The following SRPX variants were observed in gnomAD, a reference collection of about 807,000 sequenced individuals.
SRPX encodes the protein sushi repeat-containing protein SRPX.
A neutral mutation model predicts 38.1 loss-of-function variants in SRPX; 24 were observed. That is an observed-to-expected ratio of 0.63 (90% CI 0.46 to 0.89). The LOEUF is 0.89. Among genes scored for constraint, SRPX ranks in the 40% least tolerant of loss-of-function variants. SRPX has a pLI of 0.00. For missense variants in SRPX, 416 were observed against 377.8 expected, an observed-to-expected ratio of 1.10 and a Z score of -0.84; for synonymous variants, 184 against 153.8, an observed-to-expected ratio of 1.20 and a Z score of -1.45.
chrX:38,171,156 T>G (rs1370326684), intron 4 of SRPX, among the ~76,000 whole-genome samples: 1 of 111,778 alleles, frequency 8.9e-6, no homozygotes, highest in Non-Finnish European at 1.9e-5. Context: ...CTGCTGAATT[T>G]AAATCTGCAT....
chrX:38,200,787 T>C (rs1459386280), intron 1 of SRPX, among the ~76,000 whole-genome samples: 1 of 112,128 alleles, frequency 8.9e-6, no homozygotes, highest in Non-Finnish European at 1.9e-5. Flanking sequence ...CTGTTAATAC[T>C]GTTACTACAG....
At position 38,164,886 on chromosome X, in the gene SRPX, G is replaced by C; in HGVS notation, c.536C>G (p.Pro179Arg). ...CACACTTGGGCACTTGATTCTAGGAGGTTCCATATCTGAAAATATAACCAA... is the reference window on the plus strand; with the variant it reads ...CACACTTGGGCACTTGATTCTAGGACGTTCCATATCTGAAAATATAACCAA... ...GRPASCVDME[P>R]PRIKCPSVKE... Residue 179 changes from proline (P) to arginine (R), a missense_variant, in exon 5 of 10, where the codon CCT (proline) becomes CGT (arginine). Pro to Arg is a moderately radical substitution (Grantham distance 103). Transcript: ENST00000378533. 4 of 1,208,489 alleles carry C rather than the reference G, an allele frequency of 3.3e-6. No homozygotes were observed. The highest frequency in any genetic ancestry group is 1.8e-5 in the South Asian group (1 of 56,059).
chrX:38,154,905 G>A (rs1164477950), intron 8 of SRPX, among the ~76,000 whole-genome samples: 1 of 111,103 alleles, frequency 9.0e-6, no homozygotes, highest in Non-Finnish European at 1.9e-5. Context: ...CACCCCAGAG[G>A]ATTCTAATTT....
At chrX:38,174,047 G>T in intron 3 of SRPX, 113 bp downstream of exon 3, 1 of 601,265 alleles carries the variant, frequency 1.7e-6, no homozygotes, top group Non-Finnish European at 2.3e-6. Flanking sequence ...GTGTCCCCCT[G>T]ATCATAAGGA....
intron 5 of SRPX, among the ~76,000 whole-genome samples, chrX:38,163,713 A>G (rs1938307486): frequency 8.9e-6 from 1 of 112,747 alleles, no homozygotes. Context: ...GTCCAGGAGA[A>G]TGGGGTAGAG....
At chrX:38,181,003 C>T (rs944923672) in intron 1 of SRPX, among the ~76,000 whole-genome samples, 1 of 112,487 alleles carries the variant, frequency 8.9e-6, no homozygotes, top group Non-Finnish European at 1.9e-5. Flanking sequence ...ACTATATATA[C>T]GACTCCTTTT....
intron 1 of SRPX, among the ~76,000 whole-genome samples, chrX:38,220,174 G>T (rs1415706978): frequency 8.8e-6 from 1 of 113,481 alleles, no homozygotes; most frequent in Non-Finnish European, 1.9e-5. Flanking sequence ...AGCAGGGGGG[G>T]TTAAGAGATT....
chrX:38,214,910 C>T (rs1447972646), intron 1 of SRPX, among the ~76,000 whole-genome samples: 3 of 111,742 alleles, frequency 2.7e-5, no homozygotes, highest in South Asian at 7.5e-4. Context: ...AAGCGGCAGG[C>T]GAGCGTCATC....
At chrX:38,156,395 G>A (rs1387922572) in intron 8 of SRPX, among the ~76,000 whole-genome samples, 2 of 111,474 alleles carry the variant, frequency 1.8e-5, no homozygotes, top group Non-Finnish European at 3.8e-5. Context: ...TTCTGACACA[G>A]TAGGTCTGGG....
chrX:38,197,207 C>T (rs1242222095), intron 1 of SRPX, among the ~76,000 whole-genome samples: 3 of 112,379 alleles, frequency 2.7e-5, no homozygotes, highest in African/African-American at 9.7e-5. Flanking sequence ...ATTTCTCTCC[C>T]TACACTAAGC....
intron 1 of SRPX, among the ~76,000 whole-genome samples, chrX:38,219,671 G>T (rs1162854231): frequency 8.9e-6 from 1 of 111,921 alleles, no homozygotes; most frequent in East Asian, 2.8e-4. Context: ...AGAAAGATGG[G>T]CATCCTCTAT....
In SRPX at chrX:38,211,990, C is replaced by T. The variant is rs184867877; in HGVS notation, c.97+8706G>A. Among the ~76,000 whole-genome samples the T allele has an allele frequency of 7.7e-3, 860 of 112,128 alleles. 9 individuals carry two copies. Among genetic ancestry groups the T allele is most frequent in the African/African-American group, 0.027 (823 of 30,902 alleles). On this transcript the variant is annotated intron_variant, in intron 1 of 9. Coordinates refer to ENST00000378533, the MANE Select transcript of SRPX (RefSeq NM_006307.5). ...TAAGAAGTCCCTGTGTCTTTAAGAG[C>T]TGATCAGTTCCAGGAATTCTCAGCC...
In SRPX at chrX:38,177,945, G is replaced by C. The variant is rs769440434; in HGVS notation, c.157+340C>G. Among the ~76,000 whole-genome samples, 6 of 111,827 alleles carry C rather than the reference G, an allele frequency of 5.4e-5. No individual in the cohort carries two copies. The East Asian group carries it at 1.7e-3, about 31-fold the overall frequency. ...CTTGGTCCAGATTTGACCTTAGGTG[G>C]TTTACTCTGGATGATTCTGGCTGTA... On this transcript the variant is annotated intron_variant, in intron 2 of 9. Coordinates refer to ENST00000378533, the MANE Select transcript of SRPX (RefSeq NM_006307.5).
chrX:38,220,646 C>G lies in SRPX; in HGVS notation c.97+50G>C, dbSNP rs896497785. The stretch of plus-strand genomic sequence containing the variant: ...GAGCGAAGGGTCCCAACGGCGACTC[C>G]GGGGGTCTTTGGTGCCCAGCTGAGG... On this transcript the variant is annotated intron_variant, in intron 1 of 9. Coordinates refer to ENST00000378533, the MANE Select transcript of SRPX (RefSeq NM_006307.5). 7.6e-6 allele frequency: 9 copies of G among 1,180,689 alleles called. No individual in the cohort carries two copies. In the African/African-American group the frequency reaches 1.4e-4, roughly 19 times the overall value.
At chrX:38,203,268 A>G (rs1030410450) in intron 1 of SRPX, among the ~76,000 whole-genome samples, 1 of 111,923 alleles carries the variant, frequency 8.9e-6, no homozygotes, top group Non-Finnish European at 1.9e-5. Flanking sequence ...GCAATCTAGG[A>G]AGAGAAGAGA....
intron 1 of SRPX, among the ~76,000 whole-genome samples, chrX:38,196,109 T>C (rs1233406363): frequency 1.7e-4 from 19 of 112,096 alleles, no homozygotes; most frequent in African/African-American, 5.8e-4. Flanking sequence ...TAGAACAGAT[T>C]ATTAACAAAA....
At chrX:38,195,637 C>T (rs1938986500) in intron 1 of SRPX, among the ~76,000 whole-genome samples, 1 of 111,290 alleles carries the variant, frequency 9.0e-6, no homozygotes, top group Admixed American at 9.5e-5. Flanking sequence ...TGGAAATACT[C>T]TTGGAAGACA....
At chrX:38,189,785 G>A (rs1017838495) in intron 1 of SRPX, among the ~76,000 whole-genome samples, 1 of 111,840 alleles carries the variant, frequency 8.9e-6, no homozygotes, top group African/African-American at 3.3e-5. Context: ...AAGCCATTTC[G>A]AGTTTTTTCT....
At chrX:38,164,962 C>A in intron 4 of SRPX, 67 bp from the exon 5 acceptor site, 1 of 1,052,303 alleles carries the variant, frequency 9.5e-7, no homozygotes, top group Non-Finnish European at 1.3e-6. Context: ...GGTTCAACAC[C>A]CACAGTTTAA....
Sources: gnomAD v4.1 joint callset for allele counts (sites outside exome capture counted in the v4.1 genomes callset) on GRCh38, gnomAD v4.1.1 for gene constraint, MANE v1.5 for transcripts, NCBI Gene and HGNC (gene_info 2026-07-23, HGNC 2026-07-21) for gene names.